The following CLDN14 variants were observed in gnomAD, a reference collection of about 807,000 sequenced individuals.
The protein encoded by CLDN14 is claudin-14.
CLDN14 carries 2 observed loss-of-function variants against 2.1 expected under a neutral mutation model. The observed-to-expected ratio is 0.96, with a 90% CI of 0.39 to 3.01. The LOEUF (loss-of-function observed/expected upper bound fraction) is 3.01, where lower values mean the gene tolerates loss of function less well. CLDN14 is among the 30% of genes most tolerant of loss of function. CLDN14 has a pLI of 0.09. For missense variants in CLDN14, 298 were observed against 328.0 expected, an observed-to-expected ratio of 0.91 and a Z score of 0.71; for synonymous variants, 136 against 154.4, an observed-to-expected ratio of 0.88 and a Z score of 0.88.
chr21:36,553,632 G>C (rs999179851), intron 1 of CLDN14, among the ~76,000 whole-genome samples: 1 of 151,964 alleles, frequency 6.6e-6, no homozygotes, highest in Non-Finnish European at 1.5e-5. Context: ...TGGTCAGCCA[G>C]CCCTCCCCTA....
chr21:36,500,692 A>G (rs1193138092), intron 2 of CLDN14, among the ~76,000 whole-genome samples: 1 of 152,220 alleles, frequency 6.6e-6, no homozygotes, highest in African/African-American at 2.4e-5. Flanking sequence ...TCGGCCTCCC[A>G]AAGTGCTGGG....
intron 1 of CLDN14, among the ~76,000 whole-genome samples, chr21:36,519,584 C>T (rs2087253855): frequency 6.6e-6 from 1 of 152,102 alleles, no homozygotes; most frequent in Non-Finnish European, 1.5e-5. Flanking sequence ...GTGGCACATG[C>T]CTGTAGTCCC....
chr21:36,533,826 A>G (rs187160796), intron 1 of CLDN14, among the ~76,000 whole-genome samples: 2 of 152,288 alleles, frequency 1.3e-5, no homozygotes, highest in East Asian at 3.9e-4. Flanking sequence ...AACCACACAC[A>G]CTGGGGCCTA....
intron 2 of CLDN14, among the ~76,000 whole-genome samples, chr21:36,493,149 G>A (rs35030913): frequency 0.089 from 13,562 of 152,138 alleles, 1,152 homozygotes; most frequent in East Asian, 0.28. Context: ...GGAGGAGGTC[G>A]AGCCTCCTGG....
intron 1 of CLDN14, among the ~76,000 whole-genome samples, chr21:36,527,453 A>C (rs2087342419): frequency 6.6e-6 from 1 of 152,240 alleles, no homozygotes; most frequent in Non-Finnish European, 1.5e-5. Flanking sequence ...CTGGAGAAGC[A>C]AAACAGCTTC....
rs1022916679 is a variant in CLDN14, at chr21:36,499,663, A to G, written c.-82+10700T>C. Among the ~76,000 whole-genome samples the G allele has an allele frequency of 2.0e-5, 3 of 152,280 alleles. No individual in the cohort carries two copies. The highest frequency in any genetic ancestry group is 7.2e-5 in the African/African-American group (3 of 41,564). On this transcript the variant is annotated intron_variant, in intron 2 of 2. Coordinates refer to the CLDN14 transcript ENST00000342108. The surrounding 1 kb of genome is among the most constrained non-coding windows in gnomAD (Gnocchi z 4.7). ...CCCTGTTCCAGTCCACGTGACTCTT[A>G]TGCATCATGATGTTGAGATTCACTG...
chr21:36,463,030 G>A (rs1450147974), intron 1 of CLDN14, among the ~76,000 whole-genome samples: 2 of 151,970 alleles, frequency 1.3e-5, no homozygotes, highest in African/African-American at 4.8e-5. Flanking sequence ...GGAAGGGGGA[G>A]CACAGAGAAA....
At chr21:36,497,926 C>T (rs566876995) in intron 2 of CLDN14, among the ~76,000 whole-genome samples, 200 of 152,222 alleles carry the variant, frequency 1.3e-3, no homozygotes, top group African/African-American at 4.5e-3. Flanking sequence ...TCTTCAGTCT[C>T]AGTCTCAGCC....
chr21:36,546,020 G>A (rs1320024909), intron 1 of CLDN14, among the ~76,000 whole-genome samples: 1 of 152,200 alleles, frequency 6.6e-6, no homozygotes, highest in East Asian at 1.9e-4. Flanking sequence ...TGCCTTTCAG[G>A]AAACAGAGAC....
chr21:36,490,731 C>G (rs988840289), intron 2 of CLDN14, among the ~76,000 whole-genome samples: 4 of 152,042 alleles, frequency 2.6e-5, no homozygotes, highest in African/African-American at 9.7e-5. Context: ...GATGGGGTCT[C>G]TCTATGCTGC....
At chr21:36,522,525 C>T (rs965323441) in intron 1 of CLDN14, among the ~76,000 whole-genome samples, 2 of 152,188 alleles carry the variant, frequency 1.3e-5, no homozygotes, top group African/African-American at 4.8e-5. Flanking sequence ...CCTGTTCAGC[C>T]GCCCTCGTTT....
chr21:36,519,962 C>T (rs917877242), intron 1 of CLDN14, among the ~76,000 whole-genome samples: 1 of 152,098 alleles, frequency 6.6e-6, no homozygotes, highest in South Asian at 2.1e-4. Context: ...TAGGGCCCTG[C>T]AACAAATGAC....
At position 36,460,725 on chromosome 21, in the gene CLDN14, A is replaced by T. The variant is rs746123433; in HGVS notation, c.*251T>A. 116 of 477,794 alleles carry T rather than the reference A, an allele frequency of 2.4e-4. No individual in the cohort carries two copies. The highest frequency in any genetic ancestry group is 1.8e-4 in the Admixed American group (5 of 28,254). The allele number at this position is 477,794 out of a possible 1,614,324, so 29.6% of individuals were successfully genotyped here. ...TATTAAACTTGTTATCAAATCACCC[A>T]CATAAATATATATAATAAATACAAA... On this transcript the variant is annotated 3_prime_UTR_variant, in exon 2 of 2. Coordinates refer to ENST00000399135, the MANE Select transcript of CLDN14 (RefSeq NM_001146079.2). This position sits in a 1 kb window ranked among gnomAD's most constrained non-coding sequence, Gnocchi z 4.0.
At position 36,523,781 on chromosome 21, in the gene CLDN14, G is replaced by GAGAGAGAGAGAGAGAGAAAGAA. The variant is rs1568868851; in HGVS notation, c.-219-13282_-219-13281insTTCTTTCTCTCTCTCTCTCTCT. Among the ~76,000 whole-genome samples, 10 of 38,376 alleles carry GAGAGAGAGAGAGAGAGAAAGAA rather than the reference G, an allele frequency of 2.6e-4. No homozygotes were observed. In the South Asian group the frequency reaches 3.3e-3, roughly 13 times the overall value. The allele number at this position is 38,376 out of a possible 152,430, so 25.2% of individuals were successfully genotyped here. Reference sequence around the variant, plus strand: ...AAAAAAAGAAAGAAAGAGAGAAAGAGAGAAAGAAAGAAAGAAAGAAAGAAA... The same window carrying GAGAGAGAGAGAGAGAGAAAGAA: ...AAAAAAAGAAAGAAAGAGAGAAAGAGAGAGAGAGAGAGAGAGAAAGAAAGAAAGAAAGAAAGAAAGAAAGAAA... On this transcript the variant is annotated intron_variant, in intron 1 of 2. Coordinates refer to the CLDN14 transcript ENST00000342108.
intron 1 of CLDN14, among the ~76,000 whole-genome samples, chr21:36,527,569 C>T (rs1335873341): frequency 6.6e-6 from 1 of 152,116 alleles, no homozygotes; most frequent in Non-Finnish European, 1.5e-5. Context: ...CATTTCCCGT[C>T]GATTACTCAC....
At chr21:36,566,940 A>C (rs1384118287) in intron 1 of CLDN14, among the ~76,000 whole-genome samples, 5 of 152,220 alleles carry the variant, frequency 3.3e-5, no homozygotes, top group Non-Finnish European at 1.5e-5. Context: ...GCTTGCGGCC[A>C]CTGGGCTGAT....
chr21:36,567,511 G>A (rs970701366), intron 1 of CLDN14, among the ~76,000 whole-genome samples: 2 of 152,142 alleles, frequency 1.3e-5, no homozygotes, highest in African/African-American at 2.4e-5. Context: ...ATTACAGCAC[G>A]ATTACATGAC....
intron 1 of CLDN14, among the ~76,000 whole-genome samples, chr21:36,515,804 T>TTTTTTTTTTG (rs2087224445): frequency 5.6e-5 from 8 of 143,538 alleles, no homozygotes; most frequent in Admixed American, 4.8e-4. Flanking sequence ...TTTTTTTTTT[T>TTTTTTTTTTG]GAGACAGAGT....
At chr21:36,561,835 C>T (rs1015248509) in intron 1 of CLDN14, among the ~76,000 whole-genome samples, 1 of 152,170 alleles carries the variant, frequency 6.6e-6, no homozygotes, top group Non-Finnish European at 1.5e-5. Context: ...GCAGGCACTA[C>T]TCCCTCCTTT....
Sources: gnomAD v4.1 joint callset for allele counts (sites outside exome capture counted in the v4.1 genomes callset) on GRCh38, gnomAD v4.1.1 for gene constraint, Gnocchi (gnomAD v3.1) non-coding constraint, MANE v1.5 for transcripts, NCBI Gene and HGNC (gene_info 2026-07-23, HGNC 2026-07-21) for gene names.